Variants in SUMF1 observed in about 807,000 individuals in gnomAD.
SUMF1 encodes formylglycine-generating enzyme.
SUMF1 carries 48 observed loss-of-function variants against 47.6 expected under a neutral mutation model. The ratio of observed to expected loss-of-function variants is 1.01; its 90% CI spans 0.80 to 1.28. The LOEUF (loss-of-function observed/expected upper bound fraction) is 1.28, where lower values mean the gene tolerates loss of function less well. SUMF1 is among the 50% of genes most tolerant of loss of function. The pLI is 0.00. For missense variants in SUMF1, 571 were observed against 485.4 expected (o/e 1.18, Z -1.66); for synonymous variants, 230 against 192.1 (o/e 1.20, Z -1.63).
chr3:4,295,669 A>G (rs1400896748), intron 8 of SUMF1, among the ~76,000 whole-genome samples: 1 of 152,172 alleles, frequency 6.6e-6, no homozygotes, highest in Non-Finnish European at 1.5e-5. Context: ...CGTGAGTGAA[A>G]TTAATTTCTT....
chr3:4,304,934 C>T (rs1698124998), intron 8 of SUMF1, among the ~76,000 whole-genome samples: 1 of 149,246 alleles, frequency 6.7e-6, no homozygotes, highest in African/African-American at 2.5e-5. Flanking sequence ...TTAACATGTA[C>T]ATGGGTTTGG....
chr3:4,357,970 C>T (rs547794731), downstream of SUMF1, among the ~76,000 whole-genome samples: 15 of 151,968 alleles, frequency 9.9e-5, no homozygotes, highest in South Asian at 6.2e-4. Flanking sequence ...AGGGTCATAT[C>T]GACAATTGAG....
chr3:4,210,922 G>T (rs1163650945), intron 8 of SUMF1, among the ~76,000 whole-genome samples: 2 of 151,486 alleles, frequency 1.3e-5, no homozygotes, highest in East Asian at 1.9e-4. Context: ...TCATAAAAAG[G>T]CTAGACTGGC....
chr3:4,340,233 G>T (rs1699242955), intron 8 of SUMF1, among the ~76,000 whole-genome samples: 1 of 152,136 alleles, frequency 6.6e-6, no homozygotes, highest in Non-Finnish European at 1.5e-5. Context: ...TGATGCTGAT[G>T]CTGCTGAATC....
In SUMF1 at chr3:4,217,203, T is replaced by C. The variant is rs112071369; in HGVS notation, c.1015-148458A>G. Among the ~76,000 whole-genome samples, 1,402 of 152,014 alleles carry C rather than the reference T, an allele frequency of 9.2e-3. 22 individuals are homozygous for C. Among genetic ancestry groups the C allele is most frequent in the African/African-American group, 0.032 (1,335 of 41,446 alleles). ...GCAGCCATAAAAAAGGATGAGTTCA[T>C]GTCCTTTGCAGGGACATGGATGAAG... On this transcript the variant is annotated intron_variant and NMD_transcript_variant, in intron 8 of 12. Transcript: ENST00000448413.
At position 4,467,009 on chromosome 3, in the gene SUMF1, G is replaced by T; in HGVS notation, c.237C>A (p.Pro79=). ...RYSREANAPG[P]VPGERQLAHS... The stretch of plus-strand genomic sequence containing the variant: ...GCGCGAGTTGCCGCTCTCCGGGTAC[G>T]GGGCCCGGAGCGTTAGCCTCCCGCG... Residue 79 remains proline, a synonymous_variant, in exon 1 of 9, where the codon CCC becomes CCA. Coordinates refer to ENST00000272902, the MANE Select transcript of SUMF1 (RefSeq NM_182760.4). 6.3e-7 allele frequency: 1 copy of T among 1,595,242 alleles called. No homozygotes were observed.
At chr3:4,112,954 T>C (rs1693343378) in intron 8 of SUMF1, among the ~76,000 whole-genome samples, 2 of 152,142 alleles carry the variant, frequency 1.3e-5, no homozygotes, top group South Asian at 2.1e-4. Context: ...ATAGTTACAA[T>C]TTCTAAAGTA....
intron 5 of SUMF1, 50 bp from the exon 6 acceptor site, chr3:4,417,292 G>C: frequency 6.5e-7 from 1 of 1,534,970 alleles, no homozygotes; most frequent in Non-Finnish European, 9.0e-7. Context: ...ACAGGTTTTG[G>C]ATGAAAGTCA....
chr3:4,040,023 A>G (rs1694882145), intron 9 of SUMF1, among the ~76,000 whole-genome samples: 1 of 152,160 alleles, frequency 6.6e-6, no homozygotes. Context: ...TCTCAAGAAA[A>G]AAAATGTTTT....
chr3:4,061,622 G>C lies in SUMF1; in HGVS notation c.1191+6947C>G, dbSNP rs146828252. ...CTCAGTGATTGGCTTTCTATGCAGGGAGCAGCAAGAACTAGACCAAACTGC... is the reference window on the plus strand; with the variant it reads ...CTCAGTGATTGGCTTTCTATGCAGGCAGCAGCAAGAACTAGACCAAACTGC... On this transcript the variant is annotated intron_variant and NMD_transcript_variant, in intron 9 of 12. Transcript: ENST00000448413. Among the ~76,000 whole-genome samples, 115 of 152,198 alleles carry C rather than the reference G, an allele frequency of 7.6e-4. 4 individuals carry two copies. The East Asian group carries it at 0.02, about 26-fold the overall frequency.
At chr3:4,407,122 C>T (rs922977660) in intron 7 of SUMF1, among the ~76,000 whole-genome samples, 1 of 149,546 alleles carries the variant, frequency 6.7e-6, no homozygotes, top group Non-Finnish European at 1.5e-5. Context: ...ACGTTAACAC[C>T]AAGCTGACCT....
intron 8 of SUMF1, among the ~76,000 whole-genome samples, chr3:4,125,569 A>C (rs890969375): frequency 1.3e-5 from 2 of 152,234 alleles, no homozygotes; most frequent in Non-Finnish European, 2.9e-5. Context: ...GAGAAATATT[A>C]TCACATTGCT....
intron 8 of SUMF1, among the ~76,000 whole-genome samples, chr3:4,176,719 C>T (rs143129527): frequency 2.1e-4 from 32 of 152,158 alleles, no homozygotes; most frequent in African/African-American, 7.2e-4. Context: ...GGGCTAAATG[C>T]CCCCATTAAA....
At chr3:4,303,061 C>T (rs1050109864) in intron 8 of SUMF1, among the ~76,000 whole-genome samples, 3 of 152,174 alleles carry the variant, frequency 2.0e-5, no homozygotes, top group Non-Finnish European at 4.4e-5. Flanking sequence ...GTGCAGTGAG[C>T]CCTCAAAAAC....
At chr3:4,260,748 A>T (rs1697068591) in intron 8 of SUMF1, among the ~76,000 whole-genome samples, 1 of 152,088 alleles carries the variant, frequency 6.6e-6, no homozygotes, top group South Asian at 2.1e-4. Context: ...AAAAAAAAAG[A>T]AAAATTTAAT....
intron 7 of SUMF1, among the ~76,000 whole-genome samples, chr3:4,380,088 G>T (rs1314706735): frequency 6.6e-6 from 1 of 152,176 alleles, no homozygotes; most frequent in African/African-American, 2.4e-5. Flanking sequence ...ACAGCAGGAA[G>T]AGCGGCTGCA....
At chr3:4,150,226 T>C (rs1694286806) in intron 8 of SUMF1, among the ~76,000 whole-genome samples, 1 of 147,508 alleles carries the variant, frequency 6.8e-6, no homozygotes, top group Non-Finnish European at 1.5e-5. Context: ...CCCAAGTAGC[T>C]GGGACTGCAG....
intron 8 of SUMF1, among the ~76,000 whole-genome samples, chr3:4,151,495 GTA>G (rs1246684044): frequency 7.3e-6 from 1 of 136,324 alleles, no homozygotes; most frequent in Non-Finnish European, 1.5e-5. Context: ...GTATATATAC[GTA>G]TATATGTGTA....
At chr3:4,446,814 T>C (rs992294762) in intron 3 of SUMF1, among the ~76,000 whole-genome samples, 1 of 152,146 alleles carries the variant, frequency 6.6e-6, no homozygotes, top group East Asian at 1.9e-4. Context: ...GATTCTTCAA[T>C]AGATAAATCA....
Sources: gnomAD v4.1 joint callset for allele counts (sites outside exome capture counted in the v4.1 genomes callset) on GRCh38, gnomAD v4.1.1 for gene constraint, MANE v1.5 for transcripts, NCBI Gene and HGNC (gene_info 2026-07-23, HGNC 2026-07-21) for gene names.